The following DTL variants were observed in gnomAD, a reference collection of about 807,000 sequenced individuals.
The protein encoded by DTL is denticleless E3 ubiquitin protein ligase adapter, also known as denticleless protein homolog.
Under a neutral mutation model 87.0 loss-of-function variants are expected in DTL, and 46 were observed. The ratio of observed to expected loss-of-function variants is 0.53; its 90% CI spans 0.42 to 0.68. The LOEUF (loss-of-function observed/expected upper bound fraction) is 0.68, where lower values mean the gene tolerates loss of function less well. Ranked by LOEUF, DTL falls within the 30% of genes least tolerant of loss-of-function variation. The pLI, the probability that DTL is intolerant of heterozygous loss-of-function variation, is 0.00. For missense variants in DTL, 737 were observed against 869.4 expected (o/e 0.85, Z 1.91); for synonymous variants, 308 against 311.2 (o/e 0.99, Z 0.11).
intron 14 of DTL, among the ~76,000 whole-genome samples, 184 bp downstream of exon 14, chr1:212,101,268 T>G (rs1558093958): frequency 6.6e-6 from 1 of 152,160 alleles, no homozygotes; most frequent in African/African-American, 2.4e-5. Context: ...GTAAAAATGT[T>G]TTATGCTAAG....
chr1:212,069,262 C>T (rs1654598813), intron 10 of DTL, among the ~76,000 whole-genome samples: 1 of 151,838 alleles, frequency 6.6e-6, no homozygotes, highest in African/African-American at 2.4e-5. Context: ...GCATGCTTTC[C>T]TCTTTTTTTT....
intron 3 of DTL, 60 bp downstream of exon 3, chr1:212,044,818 ATAT>A (rs1667764091): frequency 6.2e-6 from 6 of 972,748 alleles, no homozygotes; most frequent in South Asian, 2.8e-5. Flanking sequence ...ATCCTCAAGT[ATAT>A]TATTATTTGA....
intron 13 of DTL, chr1:212,099,817 G>GT (rs1655562382): frequency 6.4e-6 from 1 of 155,344 alleles, no homozygotes; most frequent in African/African-American, 2.4e-5. Flanking sequence ...AGTTCACTAT[G>GT]TGAGTCTCCA....
intron 5 of DTL, 122 bp downstream of exon 5, chr1:212,047,539 A>G: frequency 1.5e-6 from 2 of 1,332,564 alleles, no homozygotes; most frequent in Non-Finnish European, 2.1e-6. Flanking sequence ...TAGATGATTA[A>G]GATTCTTTTT....
intron 5 of DTL, 150 bp downstream of exon 5, chr1:212,047,567 C>G: frequency 8.9e-7 from 1 of 1,127,850 alleles, no homozygotes; most frequent in Non-Finnish European, 1.2e-6. Flanking sequence ...CAGTTTCGTT[C>G]TGTTGCCCAG....
chr1:212,051,330 C>G (rs912825921), intron 5 of DTL, among the ~76,000 whole-genome samples: 14 of 150,392 alleles, frequency 9.3e-5, no homozygotes, highest in Admixed American at 9.3e-4. Flanking sequence ...ACGTATTTAA[C>G]TTTTCTTATA....
intron 13 of DTL, among the ~76,000 whole-genome samples, chr1:212,090,873 T>C (rs1655261142): frequency 6.6e-6 from 1 of 152,202 alleles, no homozygotes; most frequent in African/African-American, 2.4e-5. Flanking sequence ...TCCAAAGAGA[T>C]AAAGGGTTAT....
rs1479253923 is a variant in DTL at position 212,047,240 on chromosome 1, G to T, written c.339+28G>T. 4.3e-6 allele frequency: 7 copies of T among 1,613,962 alleles called. No individual in the cohort carries two copies. In the Admixed American group the frequency reaches 1.0e-4, roughly 23 times the overall value. On this transcript the variant is annotated intron_variant, in intron 4 of 14. Coordinates refer to ENST00000366991, the MANE Select transcript of DTL (RefSeq NM_016448.4). ...AAGTGACTTTATTTCATTAGGATCT[G>T]GGTAAATACTGATAAGGGAGTGCTT... is the stretch of plus-strand genomic sequence containing the variant.
intron 1 of DTL, among the ~76,000 whole-genome samples, chr1:212,037,636 A>G (rs1667527863): frequency 6.6e-6 from 1 of 152,242 alleles, no homozygotes; most frequent in Admixed American, 6.5e-5. Flanking sequence ...AAAGACTCAA[A>G]GTACTTTTAA....
At chr1:212,042,170 T>C (rs75805590) in intron 1 of DTL, among the ~76,000 whole-genome samples, 1,688 of 152,332 alleles carry the variant, frequency 0.011, 30 homozygotes, top group African/African-American at 0.038. Context: ...TTATTTTATA[T>C]ATTTAAAATG....
At chr1:212,078,879 T>C (rs1379163297) in intron 12 of DTL, among the ~76,000 whole-genome samples, 1 of 152,192 alleles carries the variant, frequency 6.6e-6, no homozygotes, top group Non-Finnish European at 1.5e-5. Context: ...TGGAATTGCA[T>C]ATAATAGTAG....
chr1:212,072,034 C>A, intron 10 of DTL, 67 bp from the exon 11 acceptor site: 1 of 1,069,562 alleles, frequency 9.3e-7, no homozygotes, highest in South Asian at 1.3e-5. Flanking sequence ...AATATATATG[C>A]TGTCTATATC....
chr1:212,047,315 C>T lies in DTL; in HGVS notation c.358C>T (p.Gln120Ter). Reference protein sequence around the residue: ...ELKLVTAAGDQTAKFWDVKAG... With the variant: ...ELKLVTAAGD ...TTGAAAGGTTACAGCAGCAGGTGATCAAACAGCCAAATTTTGGGACGTAAA... is the reference window on the plus strand; with the variant it reads ...TTGAAAGGTTACAGCAGCAGGTGATTAAACAGCCAAATTTTGGGACGTAAA... Residue 120 changes from glutamine (Q) to a stop codon, truncating the protein, a stop_gained, in exon 5 of 15, where the codon CAA (glutamine) becomes TAA (stop). Transcript: ENST00000366991. LOFTEE classifies it high-confidence loss of function. 6.2e-7 allele frequency: 1 copy of T among 1,614,170 alleles called. No homozygotes were observed. The highest frequency in any genetic ancestry group is 1.1e-5 in the South Asian group (1 of 91,074).
intron 10 of DTL, 104 bp downstream of exon 10, chr1:212,068,807 A>G (rs1162993553): frequency 3.0e-6 from 2 of 659,030 alleles, no homozygotes; most frequent in African/African-American, 1.8e-5. Flanking sequence ...TTATTAAGCC[A>G]TATGAGGACT....
intron 13 of DTL, among the ~76,000 whole-genome samples, chr1:212,099,115 A>G (rs1359626719): frequency 3.3e-5 from 5 of 152,096 alleles, no homozygotes; most frequent in Non-Finnish European, 7.3e-5. Flanking sequence ...TTCTACTTTT[A>G]TATTTTGTTT....
intron 3 of DTL, among the ~76,000 whole-genome samples, chr1:212,046,522 A>C (rs1196874440): frequency 6.6e-6 from 1 of 151,852 alleles, no homozygotes; most frequent in African/African-American, 2.4e-5. Context: ...GCTCCCACTT[A>C]TGAGTGAGAA....
Position 212,080,619 on chromosome 1 carries a change from C to T in DTL, c.1130C>T (p.Ala377Val). The change falls in exon 13 of 15, where the codon GCT (alanine) becomes GTT (valine). Residue 377 changes from alanine to valine, a missense_variant. Physicochemically the swap from Ala to Val is moderately conservative, Grantham distance 64. Coordinates refer to ENST00000366991, the MANE Select transcript of DTL (RefSeq NM_016448.4). ...CTTCTTGGTACTCCCTCTTAGATTGCTACCTGTTCTGATGACAATACACTA... is the reference window on the plus strand; with the variant it reads ...CTTCTTGGTACTCCCTCTTAGATTGTTACCTGTTCTGATGACAATACACTA... The part of the protein sequence containing the change: ...CWCPSDFTKI[A>V]TCSDDNTLKI... 1 of 1,611,656 alleles carries T rather than the reference C, an allele frequency of 6.2e-7. No homozygotes were observed.
At chr1:212,078,823 C>T (rs1048637309) in intron 12 of DTL, among the ~76,000 whole-genome samples, 5 of 152,048 alleles carry the variant, frequency 3.3e-5, no homozygotes, top group African/African-American at 1.2e-4. Context: ...AACAAAAAAA[C>T]CCTAAAATGT....
Position 212,043,177 on chromosome 1 carries a change from G to A in DTL, c.178+59G>A, listed in dbSNP as rs895971711. On this transcript the variant is annotated intron_variant, in intron 2 of 14. Transcript: ENST00000366991. ...AGAAATGATCTATTTCACACTTATA[G>A]GGAAAATATACTAGAGTATTTCCCT... The A allele has an allele frequency of 5.3e-6, 8 of 1,514,244 alleles. No individual in the cohort carries two copies. In the African/African-American group the frequency reaches 8.4e-5, roughly 16 times the overall value. The allele number at this position is 1,514,244 out of a possible 1,614,324, so 93.8% of individuals were successfully genotyped here. A position where few individuals can be genotyped will look rare whatever the true frequency, so the allele number is the denominator to read the frequency against.
Sources: allele counts gnomAD v4.1 joint callset (sites outside exome capture counted in the v4.1 genomes callset), GRCh38; gene constraint gnomAD v4.1.1; transcripts MANE v1.5; gene names NCBI Gene and HGNC (gene_info 2026-07-23, HGNC 2026-07-21).